The following MAST4 variants were observed in gnomAD, a reference collection of about 807,000 sequenced individuals.
MAST4 encodes the protein microtubule-associated serine/threonine-protein kinase 4.
In MAST4, 89 loss-of-function variants were observed where a neutral mutation model predicts 162.7. That is an observed-to-expected ratio of 0.55 (90% CI 0.46 to 0.65). MAST4 has a LOEUF of 0.65. Among genes scored for constraint, MAST4 ranks in the 30% least tolerant of loss-of-function variants. MAST4 has a pLI of 0.00. For synonymous variants in MAST4, 1,479 were observed against 1,361.1 expected (o/e 1.09, Z -1.91); for missense variants, 3,153 against 3,374.0 (o/e 0.93, Z 1.62).
rs898998110 is a variant in MAST4, at chr5:66,675,027, C to A, written c.363+78009C>A. ...GGCATTAGAAGGCTGCCACAGTGCC[C>A]CTGCTATAGGACAGTCACTGCTGCT... is the stretch of plus-strand genomic sequence containing the variant. On this transcript the variant is annotated intron_variant, in intron 1 of 28. Coordinates refer to ENST00000403625, the MANE Select transcript of MAST4 (RefSeq NM_001164664.2). 2.6e-5 allele frequency among the ~76,000 whole-genome samples: 4 copies of A among 152,144 alleles called. No homozygotes were observed. The East Asian group carries it at 7.7e-4, about 29-fold the overall frequency.
At chr5:66,860,797 A>G (rs1039981595) in intron 3 of MAST4, among the ~76,000 whole-genome samples, 2 of 150,918 alleles carry the variant, frequency 1.3e-5, no homozygotes, top group African/African-American at 4.9e-5. Context: ...CAAACAAACC[A>G]AGTTTGTTCA....
intron 2 of MAST4, among the ~76,000 whole-genome samples, chr5:66,781,498 C>T (rs1754868840): frequency 6.6e-6 from 1 of 152,138 alleles, no homozygotes; most frequent in Non-Finnish European, 1.5e-5. Flanking sequence ...GTTTCTAGTC[C>T]CTTAACTTCT....
In MAST4 at chr5:66,777,113, C is replaced by T. The variant is rs139040055; in HGVS notation, c.518-11557C>T. Among the ~76,000 whole-genome samples the T allele has an allele frequency of 2.9e-3, 448 of 152,244 alleles. 3 individuals carry two copies. The highest frequency in any genetic ancestry group is 9.7e-3 in the African/African-American group (404 of 41,544). ...GCTCAGAGAGGTCAAGGTATTTATC[C>T]GGGACTCTCTAGCTAATAAATGGTG... On this transcript the variant is annotated intron_variant, in intron 2 of 28. Transcript: ENST00000403625.
intron 4 of MAST4, among the ~76,000 whole-genome samples, chr5:67,025,945 C>G (rs1206741685): frequency 6.6e-6 from 1 of 152,104 alleles, no homozygotes; most frequent in Non-Finnish European, 1.5e-5. Flanking sequence ...ATGCTTTTCC[C>G]TAATTAAATG....
intron 1 of MAST4, among the ~76,000 whole-genome samples, chr5:66,673,796 AT>A (rs1312222239): frequency 6.6e-6 from 1 of 152,074 alleles, no homozygotes; most frequent in African/African-American, 2.4e-5. Context: ...CCTAGGCTAG[AT>A]TTTTTTTGAA....
intron 4 of MAST4, among the ~76,000 whole-genome samples, chr5:67,006,205 G>A (rs192367712): frequency 9.4e-4 from 143 of 152,326 alleles, no homozygotes; most frequent in East Asian, 1.7e-3. Context: ...CTGTGTGTAT[G>A]AGAGAGACAT....
At chr5:66,823,961 T>A (rs1036798888) in intron 3 of MAST4, among the ~76,000 whole-genome samples, 2 of 152,220 alleles carry the variant, frequency 1.3e-5, no homozygotes, top group Non-Finnish European at 2.9e-5. Flanking sequence ...GAATCATCTG[T>A]TTCTCCTTTG....
chr5:66,730,751 C>CTGTGTG (rs70987138), intron 1 of MAST4, among the ~76,000 whole-genome samples: 2,072 of 149,240 alleles, frequency 0.014, 35 homozygotes, highest in African/African-American at 0.037. Context: ...CCTACCTACT[C>CTGTGTG]TGTGTGTGTG....
At position 67,004,926 on chromosome 5, in the gene MAST4, C is replaced by CT. The variant is rs5868470; in HGVS notation, c.675-49470dup. 4,396 of 696,706 alleles carry CT rather than the reference C, an allele frequency of 6.3e-3. 128 individuals are homozygous for CT. In the African/African-American group the frequency reaches 0.066, roughly 10 times the overall value. The allele number at this position is 696,706 out of a possible 1,614,324, so 43.2% of individuals were successfully genotyped here. A position where few individuals can be genotyped will look rare whatever the true frequency, so the allele number is the denominator to read the frequency against. ...TTTATTTTTGGCCTTGTCTTTCTTC[C>CT]TTTTTTTTACCTCTCCCCATTTTAG... On this transcript the variant is annotated intron_variant, in intron 4 of 28. Transcript: ENST00000403625.
intron 1 of MAST4, among the ~76,000 whole-genome samples, chr5:66,608,718 T>C (rs1265200709): frequency 6.7e-6 from 1 of 150,266 alleles, no homozygotes; most frequent in Non-Finnish European, 1.5e-5. Flanking sequence ...TTGAAATACT[T>C]ACATTCTTTG....
chr5:67,152,984 T>G, intron 25 of MAST4, 118 bp downstream of exon 25: 1 of 830,488 alleles, frequency 1.2e-6, no homozygotes, highest in Non-Finnish European at 1.9e-6. Flanking sequence ...GCGACCTGTT[T>G]CATTTTCCTT....
At chr5:66,718,096 A>G (rs1397346664) in intron 1 of MAST4, among the ~76,000 whole-genome samples, 2 of 152,114 alleles carry the variant, frequency 1.3e-5, no homozygotes, top group East Asian at 1.9e-4. Context: ...TGTCTCTTTC[A>G]AAGGCTCTTT....
intron 1 of MAST4, among the ~76,000 whole-genome samples, chr5:66,623,438 A>G (rs1744205575): frequency 6.6e-6 from 1 of 152,260 alleles, no homozygotes; most frequent in African/African-American, 2.4e-5. Flanking sequence ...TAAGGATCAT[A>G]CATCATGACC....
chr5:67,049,776 C>T lies in MAST4; in HGVS notation c.675-4628C>T, dbSNP rs374599307. ...GTCGGGGTTTCCTCTCTTCATTTTTCTTGCCATGGTCAGAAATGATCAGAA... is the reference window on the plus strand; with the variant it reads ...GTCGGGGTTTCCTCTCTTCATTTTTTTTGCCATGGTCAGAAATGATCAGAA... On this transcript the variant is annotated intron_variant, in intron 4 of 28. Coordinates refer to ENST00000403625, the MANE Select transcript of MAST4 (RefSeq NM_001164664.2). Among the ~76,000 whole-genome samples, 257 of 152,210 alleles carry T rather than the reference C, an allele frequency of 1.7e-3. 2 individuals carry two copies. Among genetic ancestry groups the T allele is most frequent in the African/African-American group, 6.1e-3 (252 of 41,534 alleles).
At chr5:66,863,296 A>G (rs577309053) in intron 3 of MAST4, among the ~76,000 whole-genome samples, 20 of 152,226 alleles carry the variant, frequency 1.3e-4, no homozygotes, top group African/African-American at 4.8e-4. Flanking sequence ...CATCAGACAC[A>G]TAGGCACGTC....
chr5:67,097,220 T>C (rs1183329452), intron 7 of MAST4, among the ~76,000 whole-genome samples: 1 of 152,194 alleles, frequency 6.6e-6, no homozygotes, highest in Admixed American at 6.5e-5. Context: ...GTGAGCTACA[T>C]AAAATCAGAC....
intron 5 of MAST4, among the ~76,000 whole-genome samples, chr5:67,061,838 AT>A (rs1196221830): frequency 2.6e-5 from 4 of 151,808 alleles, no homozygotes; most frequent in Non-Finnish European, 5.9e-5. Flanking sequence ...AAAAAAAAAA[AT>A]CTGAATTCTT....
chr5:66,621,579 T>C (rs1026282328), intron 1 of MAST4, among the ~76,000 whole-genome samples: 1 of 152,230 alleles, frequency 6.6e-6, no homozygotes, highest in African/African-American at 2.4e-5. Context: ...GCTCTTATGT[T>C]TTAGGTATTT....
chr5:67,114,257 A>G, intron 12 of MAST4, 38 bp downstream of exon 12: 1 of 1,588,824 alleles, frequency 6.3e-7, no homozygotes, highest in Non-Finnish European at 8.5e-7. Flanking sequence ...GACTTTGCTT[A>G]TGCACTGTCG....
Sources: gnomAD v4.1 joint callset for allele counts (sites outside exome capture counted in the v4.1 genomes callset) on GRCh38, gnomAD v4.1.1 for gene constraint, MANE v1.5 for transcripts, NCBI Gene and HGNC (gene_info 2026-07-23, HGNC 2026-07-21) for gene names.